The following DEFB116 variants were observed in gnomAD, a reference collection of about 807,000 sequenced individuals.
DEFB116 encodes the protein beta-defensin 116.
Under a neutral mutation model 2.8 loss-of-function variants are expected in DEFB116, and 5 were observed. The observed-to-expected ratio is 1.80, with a 90% CI of 0.94 to 3.79. DEFB116 has a LOEUF of 3.79. DEFB116 is among the 30% of genes most tolerant of loss of function. The pLI is 0.00. For missense variants in DEFB116, 170 were observed against 118.0 expected (o/e 1.44, Z -2.04); for synonymous variants, 56 against 40.8 (o/e 1.37, Z -1.42).
chr20:31,307,689 C>T (rs546626914), intron 1 of DEFB116, among the ~76,000 whole-genome samples: 1 of 152,108 alleles, frequency 6.6e-6, no homozygotes, highest in African/African-American at 2.4e-5. Context: ...CAATATTCTC[C>T]TTATTTCAAT....
rs564791723 is a variant in DEFB116, at chr20:31,304,215, T to C, written c.68-762A>G. On this transcript the variant is annotated intron_variant, in intron 1 of 1. Coordinates refer to ENST00000400549, the MANE Select transcript of DEFB116 (RefSeq NM_001037731.1). ...TGTATAAGTCATCCAGGTGTGTACA[T>C]GAGTGAACATAAGCTCTTTGCCTGA... is the stretch of plus-strand genomic sequence containing the variant. 4.6e-5 allele frequency among the ~76,000 whole-genome samples: 7 copies of C among 152,240 alleles called. No homozygotes were observed. The East Asian group carries it at 1.4e-3, about 29-fold the overall frequency.
At chr20:31,306,588 G>C (rs1338296960) in intron 1 of DEFB116, among the ~76,000 whole-genome samples, 1 of 151,936 alleles carries the variant, frequency 6.6e-6, no homozygotes, top group Non-Finnish European at 1.5e-5. Flanking sequence ...CTGAGCATGA[G>C]AACAAATGTC....
At chr20:31,305,174 T>G (rs1300522414) in intron 1 of DEFB116, among the ~76,000 whole-genome samples, 1 of 152,046 alleles carries the variant, frequency 6.6e-6, no homozygotes, top group Non-Finnish European at 1.5e-5. Flanking sequence ...CACCTTAATC[T>G]TCACCCTTAT....
intron 1 of DEFB116, among the ~76,000 whole-genome samples, chr20:31,305,970 T>G (rs1280771495): frequency 2.0e-5 from 3 of 152,092 alleles, no homozygotes; most frequent in East Asian, 3.9e-4. Flanking sequence ...CTGCCTAGCC[T>G]TCTCACATTC....
chr20:31,308,139 T>C (rs146057830), intron 1 of DEFB116, among the ~76,000 whole-genome samples: 4 of 152,120 alleles, frequency 2.6e-5, no homozygotes, highest in African/African-American at 9.6e-5. Context: ...ATCTCTAAGG[T>C]CTTACAACCT....
rs780501111 is a variant in DEFB116, at chr20:31,308,580, T to C, written c.6A>G (p.Ser2=). The C allele has an allele frequency of 1.9e-6, 3 of 1,613,304 alleles. No homozygotes were observed. Among genetic ancestry groups the C allele is most frequent in the Non-Finnish European group, 1.7e-6 (2 of 1,179,472 alleles). The change falls in exon 1 of 2, where the codon TCA becomes TCG. Residue 2 remains serine (S), a synonymous_variant. Transcript: ENST00000400549. ...TGGTCATTAAACAGGGCTTCATGACTGACATGTTCCACCAGAATGAAGGGC... is the reference window on the plus strand; with the variant it reads ...TGGTCATTAAACAGGGCTTCATGACCGACATGTTCCACCAGAATGAAGGGC... M[S]VMKPCLMTIA... is the part of the protein sequence containing the mutation.
chr20:31,303,391 G>C lies in DEFB116; in HGVS notation c.130C>G (p.Gln44Glu). Residue 44 changes from glutamine to glutamate, a missense_variant, in exon 2 of 2, where the codon CAA becomes GAA. Transcript: ENST00000400549. ...REPWNPCELY[Q>E]GMCRNACREY... ...CTGCAGGCGTTTCTGCACATGCCTTGGTAAAGCTCACATGGATTCCAAGGC... is the reference window on the plus strand; with the variant it reads ...CTGCAGGCGTTTCTGCACATGCCTTCGTAAAGCTCACATGGATTCCAAGGC... 1.2e-6 allele frequency: 2 copies of C among 1,613,528 alleles called. No homozygotes were observed. Among genetic ancestry groups the C allele is most frequent in the Middle Eastern group, 1.7e-4 (1 of 6,056 alleles).
Position 31,308,555 on chromosome 20 carries a change from T to G in DEFB116, c.31A>C (p.Ile11Leu). 6.2e-7 allele frequency: 1 copy of G among 1,613,544 alleles called. No homozygotes were observed. The highest frequency in any genetic ancestry group is 2.2e-5 in the East Asian group (1 of 44,868). The change falls in exon 1 of 2, where the codon ATT becomes CTT. Residue 11 changes from isoleucine to leucine, a missense_variant. Coordinates refer to ENST00000400549, the MANE Select transcript of DEFB116 (RefSeq NM_001037731.1). MSVMKPCLMT[I>L]AILMILAQKT... ...TGAGCCAGGATCATAAGGATGGCAA[T>G]GGTCATTAAACAGGGCTTCATGACT...
chr20:31,305,962 G>A (rs1984983221), intron 1 of DEFB116, among the ~76,000 whole-genome samples: 1 of 152,026 alleles, frequency 6.6e-6, no homozygotes, highest in Admixed American at 6.6e-5. Context: ...CCACGATTCT[G>A]CCTAGCCTTC....
chr20:31,307,456 T>C (rs1411805886), intron 1 of DEFB116, among the ~76,000 whole-genome samples: 1 of 151,970 alleles, frequency 6.6e-6, no homozygotes, highest in East Asian at 1.9e-4. Flanking sequence ...CCTGAAACTA[T>C]AAAACTCCTA....
At chr20:31,306,351 G>T (rs969155500) in intron 1 of DEFB116, among the ~76,000 whole-genome samples, 2 of 152,128 alleles carry the variant, frequency 1.3e-5, no homozygotes, top group Non-Finnish European at 2.9e-5. Context: ...ATACATTTGG[G>T]AGGATAAAAG....
intron 1 of DEFB116, among the ~76,000 whole-genome samples, chr20:31,305,766 C>T (rs1370755630): frequency 5.3e-5 from 8 of 151,872 alleles, no homozygotes; most frequent in South Asian, 2.1e-4. Context: ...AGAAAGTCTC[C>T]ACTGTGTTTG....
chr20:31,304,469 T>G (rs187453238), intron 1 of DEFB116, among the ~76,000 whole-genome samples: 1 of 152,120 alleles, frequency 6.6e-6, no homozygotes, highest in Non-Finnish European at 1.5e-5. Flanking sequence ...CTTCACTCTT[T>G]AGATGAAGAC....
At chr20:31,307,603 G>A (rs376985943) in intron 1 of DEFB116, among the ~76,000 whole-genome samples, 3 of 152,064 alleles carry the variant, frequency 2.0e-5, no homozygotes, top group South Asian at 2.1e-4. Context: ...CACAGCAAAG[G>A]AAACAGTCTA....
chr20:31,305,010 T>C (rs1194506065), intron 1 of DEFB116, among the ~76,000 whole-genome samples: 1 of 152,042 alleles, frequency 6.6e-6, no homozygotes, highest in East Asian at 1.9e-4. Flanking sequence ...TCCCATAACA[T>C]TTGGGTACTG....
intron 1 of DEFB116, among the ~76,000 whole-genome samples, chr20:31,306,390 A>G (rs1984990939): frequency 6.6e-6 from 1 of 152,154 alleles, no homozygotes; most frequent in Non-Finnish European, 1.5e-5. Flanking sequence ...GTCCTAATAG[A>G]AAATGTTGTC....
intron 1 of DEFB116, among the ~76,000 whole-genome samples, chr20:31,305,605 T>A (rs1471924344): frequency 6.6e-6 from 1 of 152,080 alleles, no homozygotes; most frequent in African/African-American, 2.4e-5. Context: ...AATGTTAACT[T>A]TGATAATCTC....
intron 1 of DEFB116, among the ~76,000 whole-genome samples, chr20:31,305,568 C>T (rs1430892430): frequency 6.6e-6 from 1 of 151,982 alleles, no homozygotes; most frequent in Non-Finnish European, 1.5e-5. Context: ...CCTGCATTGC[C>T]CCAAATTTTG....
intron 1 of DEFB116, among the ~76,000 whole-genome samples, chr20:31,306,215 T>C (rs1984988036): frequency 6.6e-6 from 1 of 152,178 alleles, no homozygotes; most frequent in Non-Finnish European, 1.5e-5. Context: ...CATGATTCAT[T>C]ACATATTCAT....
Sources: allele counts gnomAD v4.1 joint callset (sites outside exome capture counted in the v4.1 genomes callset), GRCh38; gene constraint gnomAD v4.1.1; transcripts MANE v1.5; gene names NCBI Gene and HGNC (gene_info 2026-07-23, HGNC 2026-07-21).